The following VPS13C variants were observed in gnomAD, a reference collection of about 807,000 sequenced individuals.
VPS13C encodes the protein vacuolar protein sorting 13 homolog C, also known as intermembrane lipid transfer protein VPS13C.
In VPS13C, 358 loss-of-function variants were observed where a neutral mutation model predicts 456.8. The ratio of observed to expected loss-of-function variants is 0.78; its 90% CI spans 0.72 to 0.86. VPS13C has a LOEUF of 0.86. Among genes scored for constraint, VPS13C ranks in the 40% least tolerant of loss-of-function variants. The pLI is 0.00. For synonymous variants in VPS13C, 1,578 were observed against 1,486.7 expected (o/e 1.06, Z -1.41); for missense variants, 4,818 against 4,385.4 (o/e 1.10, Z -2.79).
chr15:61,927,936 G>A (rs547300632), intron 51 of VPS13C, among the ~76,000 whole-genome samples: 41 of 151,344 alleles, frequency 2.7e-4, no homozygotes, highest in African/African-American at 7.5e-4. Context: ...GCAAACTATC[G>A]CAAGGACAAA....
Position 61,964,837 on chromosome 15 carries a change from A to G in VPS13C, c.3076T>C (p.Leu1026=), listed in dbSNP as rs115872536. 1 of 1,599,592 alleles carries G rather than the reference A, an allele frequency of 6.3e-7. No individual in the cohort carries two copies. The highest frequency in any genetic ancestry group is 1.4e-5 in the African/African-American group (1 of 73,960). The change falls in exon 31 of 85, where the codon TTG becomes CTG. Residue 1026 remains leucine, a synonymous_variant. Transcript: ENST00000644861. The part of the protein sequence containing the change: ...VKVAFSSLNL[L]LQTQALVASI... ...GCGACAAGAGCTTGTGTTTGCAGCA[A>G]CAGATTTAAAGATGAAAAGGCCACC...
intron 66 of VPS13C, among the ~76,000 whole-genome samples, chr15:61,902,006 A>G (rs139498951): frequency 2.8e-4 from 43 of 151,696 alleles, no homozygotes; most frequent in African/African-American, 9.4e-4. Context: ...GCAAACTATC[A>G]CAAGGACTAA....
chr15:61,885,160 C>T (rs1458940429), intron 67 of VPS13C, among the ~76,000 whole-genome samples: 1 of 152,070 alleles, frequency 6.6e-6, no homozygotes, highest in Non-Finnish European at 1.5e-5. Flanking sequence ...ACAGGAAGTA[C>T]ATGGAACATC....
chr15:61,964,510 GAAACATTTTTAAAAAC>G (rs2045318519), intron 31 of VPS13C, among the ~76,000 whole-genome samples, 173 bp downstream of exon 31: 1 of 151,894 alleles, frequency 6.6e-6, no homozygotes, highest in Admixed American at 6.6e-5. Context: ...AGAACTAAAA[GAAACATTTTTAAAAAC>G]AACAGTATTG....
chr15:61,912,088 C>G, intron 62 of VPS13C, 84 bp from the exon 63 acceptor site: 2 of 1,149,808 alleles, frequency 1.7e-6, no homozygotes, highest in Non-Finnish European at 2.3e-6. Flanking sequence ...ACACAAACTT[C>G]TTACAATATT....
Position 62,048,862 on chromosome 15 carries a change from G to A in VPS13C, c.101-4607C>T, listed in dbSNP as rs1214390246. Among the ~76,000 whole-genome samples, 3 of 152,202 alleles carry A rather than the reference G, an allele frequency of 2.0e-5. No individual in the cohort carries two copies. The East Asian group carries it at 5.8e-4, about 29-fold the overall frequency. The stretch of plus-strand genomic sequence containing the variant: ...CATTTCTCTGATGGCCAGTGATGAT[G>A]AGCATTTTTTCATGTGTCTTTGGCT... On this transcript the variant is annotated intron_variant, in intron 1 of 84. Transcript: ENST00000644861.
At chr15:61,925,871 T>C (rs528178503) in intron 52 of VPS13C, among the ~76,000 whole-genome samples, 1 of 152,230 alleles carries the variant, frequency 6.6e-6, no homozygotes. Context: ...CTATAAAATA[T>C]ACCTTTGAAA....
rs759849334 is a variant in VPS13C at position 61,982,577 on chromosome 15, T to C, written c.1915-4A>G. 5.7e-6 allele frequency: 9 copies of C among 1,592,638 alleles called. No individual in the cohort carries two copies. Among genetic ancestry groups the C allele is most frequent in the Non-Finnish European group, 7.7e-6 (9 of 1,173,792 alleles). On this transcript the variant is annotated splice_polypyrimidine_tract_variant and splice_region_variant and intron_variant, in intron 20 of 84. Coordinates refer to ENST00000644861, the MANE Select transcript of VPS13C (RefSeq NM_020821.3). ...CAACCACTGCATTGACAGTTTTCTA[T>C]AAGAAAATTTTTTTAACATAACCAA... is the stretch of plus-strand genomic sequence containing the variant.
At chr15:62,037,279 T>TTA (rs1349147067) in intron 3 of VPS13C, among the ~76,000 whole-genome samples, 1 of 48,602 alleles carries the variant, frequency 2.1e-5, no homozygotes, top group Non-Finnish European at 3.3e-5. Flanking sequence ...ATATAATATA[T>TTA]TATATATATT....
chr15:61,949,561 T>C lies in VPS13C; in HGVS notation c.4641A>G (p.Leu1547=), dbSNP rs773954004. The C allele has an allele frequency of 1.2e-6, 2 of 1,611,838 alleles. No individual in the cohort carries two copies. Among genetic ancestry groups the C allele is most frequent in the Non-Finnish European group, 1.7e-6 (2 of 1,179,556 alleles). Residue 1547 remains leucine (L), a synonymous_variant, in exon 42 of 85, where the codon TTA becomes TTG. Transcript: ENST00000644861. ...SLDLVLHLEA[L]LSFMDFLSSA... ...ATGATAAAAAATCCATGAAGGAAAGTAAAGCTTCCAAATGAAGTACTAAGT... is the reference window on the plus strand; with the variant it reads ...ATGATAAAAAATCCATGAAGGAAAGCAAAGCTTCCAAATGAAGTACTAAGT...
rs578046420 is a variant in VPS13C at position 62,033,554 on chromosome 15, C to T, written c.284-12G>A. ...ATCATACTTAATACCTAAAAATATA[C>T]AGTCAATTCACACAAAAATAAATGG... On this transcript the variant is annotated splice_polypyrimidine_tract_variant and intron_variant, in intron 4 of 84. Coordinates refer to ENST00000644861, the MANE Select transcript of VPS13C (RefSeq NM_020821.3). 24 of 1,515,300 alleles carry T rather than the reference C, an allele frequency of 1.6e-5. No homozygotes were observed. The highest frequency in any genetic ancestry group is 2.2e-5 in the Non-Finnish European group (24 of 1,113,702). The allele number at this position is 1,515,300 out of a possible 1,614,324, so 93.9% of individuals were successfully genotyped here.
At chr15:62,027,233 G>C (rs72749754) in intron 6 of VPS13C, among the ~76,000 whole-genome samples, 9,056 of 151,754 alleles carry the variant, frequency 0.06, 476 homozygotes, top group East Asian at 0.21. Context: ...TTTTATCTAC[G>C]TTAATATACC....
intron 3 of VPS13C, among the ~76,000 whole-genome samples, chr15:62,036,693 G>A (rs1003306406): frequency 1.3e-4 from 19 of 151,942 alleles, no homozygotes; most frequent in African/African-American, 4.6e-4. Context: ...CCTTTAACTA[G>A]CATACAGAAA....
At chr15:61,924,083 G>C (rs1468926352) in intron 53 of VPS13C, among the ~76,000 whole-genome samples, 1 of 151,122 alleles carries the variant, frequency 6.6e-6, no homozygotes, top group African/African-American at 2.4e-5. Context: ...AGCCGGGATG[G>C]TCTCGATCTC....
At chr15:62,016,530 T>C (rs2047256546) in intron 9 of VPS13C, among the ~76,000 whole-genome samples, 1 of 150,776 alleles carries the variant, frequency 6.6e-6, no homozygotes, top group South Asian at 2.1e-4. Context: ...TGTTTGGTTT[T>C]TTGTCCTTGC....
chr15:61,954,714 G>A lies in VPS13C; in HGVS notation c.4166-160C>T, dbSNP rs114826617. 6.9e-3 allele frequency among the ~76,000 whole-genome samples: 1,045 copies of A among 152,220 alleles called. 9 individuals are homozygous for A. Among genetic ancestry groups the A allele is most frequent in the African/African-American group, 0.024 (996 of 41,532 alleles). On this transcript the variant is annotated intron_variant, in intron 37 of 84. Transcript: ENST00000644861. ...GGAAAACTCATGGTTTAGTGGAAGA[G>A]ACATATACATTTAAAATACAAACAA...
chr15:61,877,121 T>C, intron 74 of VPS13C, 67 bp from the exon 75 acceptor site: 3 of 1,272,878 alleles, frequency 2.4e-6, no homozygotes, highest in Non-Finnish European at 2.2e-6. Flanking sequence ...GACTTAAAAT[T>C]TGAATGACAG....
intron 14 of VPS13C, among the ~76,000 whole-genome samples, chr15:62,008,045 G>A (rs573359004): frequency 3.8e-4 from 58 of 151,940 alleles, no homozygotes; most frequent in African/African-American, 1.1e-3. Flanking sequence ...TCAAGATGTC[G>A]AGATGCTGAA....
intron 3 of VPS13C, among the ~76,000 whole-genome samples, chr15:62,037,245 TA>T (rs1418951174): frequency 2.8e-3 from 77 of 27,424 alleles, no homozygotes; most frequent in African/African-American, 0.011. Context: ...TAAATATATA[TA>T]ATATATTTAT....
Sources: allele counts gnomAD v4.1 joint callset (sites outside exome capture counted in the v4.1 genomes callset), GRCh38; gene constraint gnomAD v4.1.1; transcripts MANE v1.5; gene names NCBI Gene and HGNC (gene_info 2026-07-23, HGNC 2026-07-21).